The following LPIN2 variants were observed in gnomAD, a reference collection of about 807,000 sequenced individuals.
LPIN2 encodes phosphatidate phosphatase LPIN2.
Under a neutral mutation model 111.4 loss-of-function variants are expected in LPIN2, and 55 were observed. That is an observed-to-expected ratio of 0.49 (90% CI 0.40 to 0.62). The LOEUF is 0.62. Ranked by LOEUF, LPIN2 falls within the 20% of genes least tolerant of loss-of-function variation. The pLI, the probability that LPIN2 is intolerant of heterozygous loss-of-function variation, is 0.00. For synonymous variants in LPIN2, 425 were observed against 414.0 expected, an observed-to-expected ratio of 1.03 and a Z score of -0.32; for missense variants, 992 against 1,112.1, an observed-to-expected ratio of 0.89 and a Z score of 1.54.
At chr18:2,952,611 CACACTT>C (rs2077553205) in intron 3 of LPIN2, among the ~76,000 whole-genome samples, 1 of 152,154 alleles carries the variant, frequency 6.6e-6, no homozygotes, top group Non-Finnish European at 1.5e-5. Flanking sequence ...ACCAGAAACA[CACACTT>C]ACAGAGAAAT....
At chr18:2,940,047 T>A (rs1322467539) in intron 5 of LPIN2, among the ~76,000 whole-genome samples, 1 of 152,152 alleles carries the variant, frequency 6.6e-6, no homozygotes, top group Non-Finnish European at 1.5e-5. Context: ...TGCAGATGAG[T>A]GGGCACAATG....
rs2077214459 is a variant in LPIN2, at chr18:2,931,584, T to C, written c.1269-141A>G. On this transcript the variant is annotated intron_variant, in intron 8 of 19. Coordinates refer to ENST00000677752, the MANE Select transcript of LPIN2 (RefSeq NM_001375808.2). ...TGGACCTACAATCAGGCATAACTTT[T>C]CTTAGATAGGGTTTAGAATCATATC... 15 of 775,302 alleles carry C rather than the reference T, an allele frequency of 1.9e-5. 1 individual carries two copies. The South Asian group carries it at 2.2e-4, about 11-fold the overall frequency. The allele number at this position is 775,302 out of a possible 1,614,324, so 48.0% of individuals were successfully genotyped here.
chr18:3,004,935 G>C (rs563762028), intron 1 of LPIN2, among the ~76,000 whole-genome samples: 1 of 152,062 alleles, frequency 6.6e-6, no homozygotes, highest in African/African-American at 2.4e-5. Flanking sequence ...CCATCTTCCC[G>C]GCTGGTATTT....
chr18:2,949,394 G>A (rs2077500542), intron 4 of LPIN2, among the ~76,000 whole-genome samples: 1 of 152,118 alleles, frequency 6.6e-6, no homozygotes, highest in Non-Finnish European at 1.5e-5. Flanking sequence ...GATTCATTCA[G>A]GATTTTAAAA....
intron 1 of LPIN2, among the ~76,000 whole-genome samples, chr18:2,977,548 G>A (rs1162998463): frequency 6.6e-6 from 1 of 152,136 alleles, no homozygotes; most frequent in African/African-American, 2.4e-5. Context: ...CTGTGGGCAG[G>A]AAAATACAAG....
Position 2,927,769 on chromosome 18 carries a change from A to T in LPIN2, c.1663T>A (p.Ser555Thr). ...TTTCGCCAAAACCACCAGCGACCAGATTTCTTTGGCATCTTGTCTTTCACC... is the reference window on the plus strand; with the variant it reads ...TTTCGCCAAAACCACCAGCGACCAGTTTTCTTTGGCATCTTGTCTTTCACC... ...SWVKDKMPKK[S>T]GRWWFWRKRE... Residue 555 changes from serine (S) to threonine (T), a missense_variant, in exon 12 of 20, where the codon TCT becomes ACT. Transcript: ENST00000677752. 1.2e-6 allele frequency: 2 copies of T among 1,614,100 alleles called. No individual in the cohort carries two copies. Among genetic ancestry groups the T allele is most frequent in the Non-Finnish European group, 1.7e-6 (2 of 1,180,006 alleles).
chr18:2,961,898 G>A (rs561583813), intron 1 of LPIN2, among the ~76,000 whole-genome samples: 1 of 152,318 alleles, frequency 6.6e-6, no homozygotes, highest in Admixed American at 6.5e-5. Context: ...AGGACTGACT[G>A]ACTGCTCTCC....
intron 14 of LPIN2, among the ~76,000 whole-genome samples, chr18:2,924,963 G>A (rs1477528242): frequency 1.3e-5 from 2 of 152,178 alleles, no homozygotes; most frequent in East Asian, 3.8e-4. Context: ...CTCAGCGCTG[G>A]GTTAGCTGTG....
At chr18:3,007,565 AT>A (rs1246001051) in intron 1 of LPIN2, among the ~76,000 whole-genome samples, 3 of 152,252 alleles carry the variant, frequency 2.0e-5, no homozygotes, top group Admixed American at 6.5e-5. Flanking sequence ...AAAGAAAAAA[AT>A]AACACAGCCT....
intron 9 of LPIN2, among the ~76,000 whole-genome samples, chr18:2,929,932 A>G (rs564851999): frequency 1.1e-4 from 17 of 152,190 alleles, no homozygotes; most frequent in African/African-American, 4.1e-4. Context: ...CAACAACAAA[A>G]ATTACATGTT....
At chr18:2,929,302 T>C (rs1183068063) in intron 9 of LPIN2, 144 bp from the exon 10 acceptor site, 2 of 634,594 alleles carry the variant, frequency 3.2e-6, no homozygotes, top group African/African-American at 1.8e-5. Flanking sequence ...AAAAGCAAAA[T>C]GTCAGACGCT....
chr18:3,009,009 G>A (rs1360464070), intron 1 of LPIN2, among the ~76,000 whole-genome samples: 6 of 151,286 alleles, frequency 4.0e-5, no homozygotes, highest in East Asian at 3.9e-4. Context: ...GCTCACGCCT[G>A]TAATCCCAGC....
chr18:2,951,603 A>C (rs1163333454), intron 3 of LPIN2, among the ~76,000 whole-genome samples: 1 of 152,204 alleles, frequency 6.6e-6, no homozygotes, highest in Admixed American at 6.5e-5. Context: ...AGGAACTGAC[A>C]TGCCAAGTCA....
intron 8 of LPIN2, 38 bp from the exon 9 acceptor site, chr18:2,931,481 C>G: frequency 1.3e-6 from 2 of 1,540,828 alleles, no homozygotes; most frequent in Non-Finnish European, 1.7e-6. Context: ...TGCTTTATTA[C>G]AACTCCTTGA....
chr18:2,950,755 G>A (rs894511892), intron 4 of LPIN2: 3 of 426,702 alleles, frequency 7.0e-6, no homozygotes, highest in African/African-American at 4.0e-5. Context: ...AACTGGATCT[G>A]CTCACCGAGG....
chr18:2,951,232 G>A lies in LPIN2; in HGVS notation c.413C>T (p.Ser138Leu), dbSNP rs1295935002. ...AATTGTCTCTGTTTCCAAGACGTGTGAGATGTCTGAACTCTGAGATGGTGT... is the reference window on the plus strand; with the variant it reads ...AATTGTCTCTGTTTCCAAGACGTGTAAGATGTCTGAACTCTGAGATGGTGT... ...DETPSQSSDI[S>L]HVLETETIFT... The change falls in exon 4 of 20, where the codon TCA becomes TTA. Residue 138 changes from serine to leucine, a missense_variant. Physicochemically the swap from Ser to Leu is moderately radical, Grantham distance 145. Transcript: ENST00000677752. The A allele has an allele frequency of 6.2e-7, 1 of 1,614,096 alleles. No homozygotes were observed. Among genetic ancestry groups the A allele is most frequent in the Non-Finnish European group, 8.5e-7 (1 of 1,180,024 alleles).
chr18:2,989,302 G>C (rs1230927421), intron 1 of LPIN2, among the ~76,000 whole-genome samples: 1 of 151,750 alleles, frequency 6.6e-6, no homozygotes, highest in African/African-American at 2.4e-5. Context: ...ATTATGCAAT[G>C]CATCTAAAAG....
chr18:3,005,889 A>G (rs1026755820), intron 1 of LPIN2, among the ~76,000 whole-genome samples: 47 of 152,190 alleles, frequency 3.1e-4, no homozygotes, highest in African/African-American at 1.1e-3. Flanking sequence ...CAATAATCAT[A>G]ATGAAGTAAA....
intron 1 of LPIN2, among the ~76,000 whole-genome samples, chr18:2,995,310 T>C (rs16944160): frequency 0.12 from 17,918 of 152,232 alleles, 1,635 homozygotes; most frequent in East Asian, 0.46. Flanking sequence ...TTTCTAAATC[T>C]AAATGCTTCA....
Sources: allele counts gnomAD v4.1 joint callset (sites outside exome capture counted in the v4.1 genomes callset), GRCh38; gene constraint gnomAD v4.1.1; transcripts MANE v1.5; gene names NCBI Gene and HGNC (gene_info 2026-07-23, HGNC 2026-07-21).